The following LUZP2 variants were observed in gnomAD, a reference collection of about 807,000 sequenced individuals.
LUZP2 encodes the protein leucine zipper protein 2.
LUZP2 carries 52 observed loss-of-function variants against 51.6 expected under a neutral mutation model. The observed-to-expected ratio is 1.01, with a 90% CI of 0.81 to 1.27. The LOEUF (loss-of-function observed/expected upper bound fraction) is 1.27, where lower values mean the gene tolerates loss of function less well. Among genes scored for constraint, LUZP2 ranks in the 50% most tolerant of loss-of-function variants. The pLI is 0.00. For synonymous variants in LUZP2, 154 were observed against 137.3 expected (o/e 1.12, Z -0.85); for missense variants, 436 against 395.4 (o/e 1.10, Z -0.87).
intron 5 of LUZP2, among the ~76,000 whole-genome samples, chr11:24,861,762 T>A (rs1851750053): frequency 6.6e-6 from 1 of 152,190 alleles, no homozygotes; most frequent in Admixed American, 6.5e-5. Context: ...TTAACATTAT[T>A]GTTTCCCCTT....
At position 24,793,354 on chromosome 11, in the gene LUZP2, C is replaced by A. The variant is rs536324357; in HGVS notation, c.396+30046C>A. Among the ~76,000 whole-genome samples the A allele has an allele frequency of 3.0e-4, 46 of 152,188 alleles. No individual in the cohort carries two copies. In the South Asian group the frequency reaches 7.9e-3, roughly 26 times the overall value. On this transcript the variant is annotated intron_variant, in intron 5 of 11. Transcript: ENST00000336930. ...AAACAATTCTGGGTAATCCCATGGG[C>A]CTGAATCTGCACTCTATGGGTCTTT... is the stretch of plus-strand genomic sequence containing the variant.
At chr11:24,861,131 C>T (rs1851727786) in intron 5 of LUZP2, among the ~76,000 whole-genome samples, 1 of 152,088 alleles carries the variant, frequency 6.6e-6, no homozygotes, top group Non-Finnish European at 1.5e-5. Flanking sequence ...ATCTGAAAAA[C>T]ACAGCATGAG....
intron 10 of LUZP2, among the ~76,000 whole-genome samples, chr11:25,070,118 G>A (rs1859111039): frequency 6.6e-6 from 1 of 151,834 alleles, no homozygotes; most frequent in Admixed American, 6.6e-5. Flanking sequence ...CTTAAGGTAA[G>A]AGCACTAAGA....
chr11:24,868,363 C>G (rs1011413140), intron 5 of LUZP2, among the ~76,000 whole-genome samples: 3 of 152,172 alleles, frequency 2.0e-5, no homozygotes, highest in African/African-American at 7.2e-5. Context: ...AAGCATAAGA[C>G]TGCATTCCAT....
chr11:24,674,534 A>G (rs142877083), intron 1 of LUZP2, among the ~76,000 whole-genome samples: 5 of 152,292 alleles, frequency 3.3e-5, no homozygotes, highest in African/African-American at 7.2e-5. Context: ...GGTGATTGCT[A>G]TGATCTTTGT....
chr11:24,568,995 G>C (rs1852337756), intron 1 of LUZP2, among the ~76,000 whole-genome samples: 1 of 151,522 alleles, frequency 6.6e-6, no homozygotes, highest in Non-Finnish European at 1.5e-5. Flanking sequence ...ATGCATAACA[G>C]TGGAGGTTTT....
At chr11:25,037,772 G>C (rs532621032) in intron 9 of LUZP2, among the ~76,000 whole-genome samples, 3 of 151,892 alleles carry the variant, frequency 2.0e-5, no homozygotes, top group Non-Finnish European at 4.4e-5. Context: ...CTTCATGAAT[G>C]CTGAGTATAG....
rs113512543 is a variant in LUZP2 at position 24,860,524 on chromosome 11, A to G, written c.397-45467A>G. 4.6e-3 allele frequency among the ~76,000 whole-genome samples: 706 copies of G among 152,228 alleles called. 8 individuals are homozygous for G. The highest frequency in any genetic ancestry group is 0.016 in the African/African-American group (667 of 41,540). On this transcript the variant is annotated intron_variant, in intron 5 of 11. Coordinates refer to ENST00000336930, the MANE Select transcript of LUZP2 (RefSeq NM_001009909.4). ...TCCAACAGGGGTTGTCAGGCACCCT[A>G]TACAGGAGTGATCCTACTGGCAACA...
At chr11:24,885,122 T>C (rs566708647) in intron 5 of LUZP2, among the ~76,000 whole-genome samples, 1 of 152,216 alleles carries the variant, frequency 6.6e-6, no homozygotes, top group South Asian at 2.1e-4. Flanking sequence ...AACTCTTCTT[T>C]ATCTATAAGA....
At chr11:24,741,434 A>G (rs897101956) in intron 4 of LUZP2, among the ~76,000 whole-genome samples, 9 of 151,688 alleles carry the variant, frequency 5.9e-5, no homozygotes, top group Non-Finnish European at 1.0e-4. Flanking sequence ...TTTATTTTCC[A>G]TAGGTCATTA....
At chr11:24,764,112 A>G (rs12296023) in intron 5 of LUZP2, among the ~76,000 whole-genome samples, 5,712 of 152,260 alleles carry the variant, frequency 0.038, 198 homozygotes, top group African/African-American at 0.089. Flanking sequence ...ATGCTCACAT[A>G]CGATTTAAAA....
At chr11:24,916,428 G>C (rs563270473) in intron 7 of LUZP2, among the ~76,000 whole-genome samples, 1 of 151,994 alleles carries the variant, frequency 6.6e-6, no homozygotes, top group South Asian at 2.1e-4. Flanking sequence ...TTGGTGTGCT[G>C]CACCCATTAA....
At chr11:24,951,776 A>G (rs1465831854) in intron 7 of LUZP2, among the ~76,000 whole-genome samples, 3 of 151,584 alleles carry the variant, frequency 2.0e-5, no homozygotes, top group Non-Finnish European at 4.4e-5. Context: ...TGCCATTCTA[A>G]ATGTAATAAA....
At chr11:24,977,616 A>G (rs1219546065) in intron 8 of LUZP2, among the ~76,000 whole-genome samples, 1 of 151,680 alleles carries the variant, frequency 6.6e-6, no homozygotes, top group African/African-American at 2.4e-5. Context: ...CATTACATAC[A>G]TGCATTATAT....
In LUZP2 at chr11:24,608,576, T is replaced by G. The variant is rs111979695; in HGVS notation, c.62+111271T>G. Among the ~76,000 whole-genome samples the G allele has an allele frequency of 2.5e-3, 384 of 152,260 alleles. 1 individual carries two copies. Among genetic ancestry groups the G allele is most frequent in the African/African-American group, 8.7e-3 (362 of 41,552 alleles). ...AAGTAAGAAGAAAAAGTTAAGATTT[T>G]TAGAGTTAGGGCATGAACTGCTTCT... On this transcript the variant is annotated intron_variant, in intron 1 of 11. Transcript: ENST00000336930.
At chr11:24,500,267 T>A (rs1302174238) in intron 1 of LUZP2, among the ~76,000 whole-genome samples, 2 of 152,182 alleles carry the variant, frequency 1.3e-5, no homozygotes, top group Non-Finnish European at 2.9e-5. Context: ...AAGAGCTGTT[T>A]AATGTCCTGG....
chr11:24,688,796 C>T (rs528546378), intron 1 of LUZP2, among the ~76,000 whole-genome samples: 2 of 152,224 alleles, frequency 1.3e-5, no homozygotes, highest in African/African-American at 2.4e-5. Flanking sequence ...GAGTTCATCT[C>T]TCACGTGTCA....
chr11:24,888,842 G>A (rs1294647740), intron 5 of LUZP2, among the ~76,000 whole-genome samples: 2 of 152,000 alleles, frequency 1.3e-5, no homozygotes, highest in African/African-American at 4.8e-5. Flanking sequence ...GGTTTTGTAA[G>A]GGGCTCTTCC....
In LUZP2 at chr11:24,772,892, C is replaced by T. The variant is rs991492728; in HGVS notation, c.396+9584C>T. Among the ~76,000 whole-genome samples, 10 of 152,160 alleles carry T rather than the reference C, an allele frequency of 6.6e-5. No individual in the cohort carries two copies. The South Asian group carries it at 1.7e-3, about 25-fold the overall frequency. On this transcript the variant is annotated intron_variant, in intron 5 of 11. Coordinates refer to ENST00000336930, the MANE Select transcript of LUZP2 (RefSeq NM_001009909.4). ...TGTGTGTCTTCTCCTCTTCTTATAA[C>T]GACATCATTTATTAGATTTTGAACC...
Sources: allele counts gnomAD v4.1 joint callset (sites outside exome capture counted in the v4.1 genomes callset), GRCh38; gene constraint gnomAD v4.1.1; transcripts MANE v1.5; gene names NCBI Gene and HGNC (gene_info 2026-07-23, HGNC 2026-07-21).